TOPAZ1: variants seen among roughly 807,000 people sequenced by gnomAD.
The protein encoded by TOPAZ1 is protein TOPAZ1.
In TOPAZ1, 66 loss-of-function variants were observed where a neutral mutation model predicts 172.2. The ratio of observed to expected loss-of-function variants is 0.38; its 90% CI spans 0.31 to 0.47. TOPAZ1 has a LOEUF of 0.47. Among genes scored for constraint, TOPAZ1 ranks in the 20% least tolerant of loss-of-function variants. The probability of loss-of-function intolerance (pLI) is 0.99; values close to 1 mark genes in which losing one functional copy is unlikely to be tolerated. For synonymous variants in TOPAZ1, 681 were observed against 683.9 expected, an observed-to-expected ratio of 1.00 and a Z score of 0.07; for missense variants, 1,822 against 1,972.4, an observed-to-expected ratio of 0.92 and a Z score of 1.44.
Position 44,305,317 on chromosome 3 carries a change from A to G in TOPAZ1, c.4035A>G (p.Glu1345=). The G allele has an allele frequency of 6.5e-7, 1 of 1,535,386 alleles. No homozygotes were observed. Among genetic ancestry groups the G allele is most frequent in the Non-Finnish European group, 8.8e-7 (1 of 1,142,704 alleles). ...ATATTCCCTTTTGTGAATTTGCTGA[A>G]ACAGGTAAAATGTAACTATTGGCCT... is the stretch of plus-strand genomic sequence containing the variant. ...RPDIPFCEFA[E]TVSKDPQNSK... The change falls in exon 14 of 20, where the codon GAA becomes GAG. Residue 1345 remains glutamate (E), a synonymous_variant. Transcript: ENST00000309765.
At chr3:44,304,525 T>G (rs1428571335) in intron 13 of TOPAZ1, among the ~76,000 whole-genome samples, 2 of 152,228 alleles carry the variant, frequency 1.3e-5, no homozygotes, top group Admixed American at 1.3e-4. Context: ...ATTTTTACTT[T>G]TAAATTTAAT....
intron 2 of TOPAZ1, among the ~76,000 whole-genome samples, chr3:44,246,967 G>A (rs140545021): frequency 6.6e-6 from 1 of 152,300 alleles, no homozygotes; most frequent in Non-Finnish European, 1.5e-5. Context: ...GATGTTGACA[G>A]TGAGCTAAGC....
chr3:44,257,354 T>G (rs775377358), intron 4 of TOPAZ1, among the ~76,000 whole-genome samples: 343 of 11,710 alleles, frequency 0.029, no homozygotes, highest in African/African-American at 0.058. Context: ...AACATAGGGG[T>G]GTGTGTGTGT....
chr3:44,290,923 G>GC, intron 12 of TOPAZ1, 37 bp downstream of exon 12: 1 of 1,334,034 alleles, frequency 7.5e-7, no homozygotes, highest in Admixed American at 2.3e-5. Flanking sequence ...CAAAATATAT[G>GC]TGTCTTGGTG....
At chr3:44,263,414 A>T (rs1699796250) in intron 5 of TOPAZ1, among the ~76,000 whole-genome samples, 1 of 152,230 alleles carries the variant, frequency 6.6e-6, no homozygotes. Flanking sequence ...AAGTCATTAC[A>T]TCACCATGGG....
chr3:44,275,840 C>G (rs1699947634), intron 8 of TOPAZ1, among the ~76,000 whole-genome samples: 1 of 151,970 alleles, frequency 6.6e-6, no homozygotes, highest in Non-Finnish European at 1.5e-5. Context: ...GTTCTTTTTT[C>G]TCTGCATCCT....
chr3:44,306,290 AT>A lies in TOPAZ1; in HGVS notation c.4040-32del, dbSNP rs1376398126. ...GCCTCTTCCATCATTTTAAGTGACT[AT>A]TTTATTTTCTTTTGTATGCCTATTT... On this transcript the variant is annotated intron_variant, in intron 14 of 19. Coordinates refer to ENST00000309765, the MANE Select transcript of TOPAZ1 (RefSeq NM_001145030.2). The A allele has an allele frequency of 2.2e-6, 3 of 1,341,218 alleles. No homozygotes were observed. The African/African-American group carries it at 4.3e-5, about 19-fold the overall frequency. The allele number at this position is 1,341,218 out of a possible 1,614,324, so 83.1% of individuals were successfully genotyped here. A position where few individuals can be genotyped will look rare whatever the true frequency, so the allele number is the denominator to read the frequency against.
At chr3:44,308,206 C>T (rs1014576400) in intron 15 of TOPAZ1, among the ~76,000 whole-genome samples, 23 of 152,096 alleles carry the variant, frequency 1.5e-4, no homozygotes, top group South Asian at 1.5e-3. Context: ...TGCAGTGAGC[C>T]GAGATTGCAC....
At chr3:44,315,713 C>A (rs1439213066) in intron 16 of TOPAZ1, among the ~76,000 whole-genome samples, 1 of 152,012 alleles carries the variant, frequency 6.6e-6, no homozygotes, top group African/African-American at 2.4e-5. Flanking sequence ...CAGCACAAAG[C>A]TGTGTTAGCC....
At chr3:44,263,199 T>A (rs968626530) in intron 5 of TOPAZ1, among the ~76,000 whole-genome samples, 2 of 152,176 alleles carry the variant, frequency 1.3e-5, no homozygotes, top group Non-Finnish European at 2.9e-5. Flanking sequence ...TGGGCAAGAA[T>A]TAAATTGGCA....
Position 44,243,905 on chromosome 3 carries a change from T to C in TOPAZ1, c.1399T>C (p.Ser467Pro), listed in dbSNP as rs1011945974. 3.2e-6 allele frequency: 5 copies of C among 1,551,394 alleles called. No homozygotes were observed. The Admixed American group carries it at 5.9e-5, about 18-fold the overall frequency. The change falls in exon 2 of 20, where the codon TCA becomes CCA. Residue 467 changes from serine (S) to proline (P), a missense_variant. Ser to Pro is a moderately conservative substitution (Grantham distance 74, BLOSUM62 -1). Transcript: ENST00000309765. ...PNEYHIERRS[S>P]REDLRSASEE... ...TGAGTACCATATTGAAAGGAGATCTTCACGGGAAGACTTAAGAAGTGCATC... is the reference window on the plus strand; with the variant it reads ...TGAGTACCATATTGAAAGGAGATCTCCACGGGAAGACTTAAGAAGTGCATC...
intron 2 of TOPAZ1, among the ~76,000 whole-genome samples, chr3:44,247,808 C>G (rs1699583277): frequency 6.6e-6 from 1 of 152,158 alleles, no homozygotes; most frequent in African/African-American, 2.4e-5. Flanking sequence ...TGCCACCACT[C>G]CTGGCTAATT....
At chr3:44,245,382 C>A in intron 2 of TOPAZ1, 111 bp downstream of exon 2, 1 of 1,138,296 alleles carries the variant, frequency 8.8e-7, no homozygotes, top group Non-Finnish European at 1.2e-6. Context: ...ATTTTTTAAC[C>A]CAATTATTTA....
At chr3:44,296,619 G>A (rs532872556) in intron 12 of TOPAZ1, among the ~76,000 whole-genome samples, 25 of 152,036 alleles carry the variant, frequency 1.6e-4, no homozygotes, top group African/African-American at 6.0e-4. Context: ...ATATGAACTA[G>A]ATCATCTAAA....
At chr3:44,317,218 C>T (rs1212892227) in intron 16 of TOPAZ1, among the ~76,000 whole-genome samples, 4 of 152,174 alleles carry the variant, frequency 2.6e-5, no homozygotes, top group South Asian at 2.1e-4. Context: ...GTCAGGAGTT[C>T]GAGACCAGCC....
intron 2 of TOPAZ1, among the ~76,000 whole-genome samples, chr3:44,251,983 A>G (rs190179350): frequency 1.8e-3 from 268 of 152,248 alleles, no homozygotes; most frequent in Middle Eastern, 3.4e-3. Context: ...ACCCAGGTGA[A>G]TTTAACTTTT....
intron 9 of TOPAZ1, among the ~76,000 whole-genome samples, chr3:44,285,850 G>A (rs556765326): frequency 1.3e-5 from 2 of 151,766 alleles, no homozygotes; most frequent in South Asian, 2.1e-4. Context: ...TTACAGGTGC[G>A]AGCCACCACG....
At chr3:44,266,239 G>C (rs1382001965) in intron 5 of TOPAZ1, among the ~76,000 whole-genome samples, 1 of 152,164 alleles carries the variant, frequency 6.6e-6, no homozygotes, top group African/African-American at 2.4e-5. Flanking sequence ...GTTGTGACTG[G>C]TTTGATCTTC....
At chr3:44,334,275 C>T (rs1055576393), downstream of TOPAZ1, among the ~76,000 whole-genome samples, 10 of 152,134 alleles carry the variant, frequency 6.6e-5, no homozygotes, top group African/African-American at 1.4e-4. Flanking sequence ...TTGACCCTTT[C>T]GAATCCCCCA....
Sources: gnomAD v4.1 joint callset for allele counts (sites outside exome capture counted in the v4.1 genomes callset) on GRCh38, gnomAD v4.1.1 for gene constraint, MANE v1.5 for transcripts, NCBI Gene and HGNC (gene_info 2026-07-23, HGNC 2026-07-21) for gene names.